SEC22B: variants seen among roughly 807,000 people sequenced by gnomAD.
SEC22B encodes the protein vesicle-trafficking protein SEC22b.
A neutral mutation model predicts 31.4 loss-of-function variants in SEC22B; 10 were observed. The ratio of observed to expected loss-of-function variants is 0.32; its 90% CI spans 0.20 to 0.54. The LOEUF (loss-of-function observed/expected upper bound fraction) is 0.54, where lower values mean the gene tolerates loss of function less well. Ranked by LOEUF, SEC22B falls within the 20% of genes least tolerant of loss-of-function variation. SEC22B has a pLI of 0.94. For synonymous variants in SEC22B, 60 were observed against 95.9 expected, an observed-to-expected ratio of 0.63 and a Z score of 2.19; for missense variants, 130 against 263.4, an observed-to-expected ratio of 0.49 and a Z score of 3.50.
At chr1:120,158,671 CA>C (rs1657666692) in intron 4 of SEC22B, 2 of 31,136 alleles carry the variant, frequency 6.4e-5, no homozygotes, top group Admixed American at 3.6e-4. Flanking sequence ...CAACAGTGAT[CA>C]AAATATACAT....
intron 1 of SEC22B, among the ~76,000 whole-genome samples, chr1:120,175,696 C>T (rs1449490804): frequency 6.6e-6 from 1 of 152,070 alleles, no homozygotes; most frequent in African/African-American, 2.4e-5. Context: ...GATTAAGACC[C>T]GTCGTTTGCC....
chr1:120,171,833 C>T (rs1311922500), intron 1 of SEC22B, among the ~76,000 whole-genome samples: 5 of 144,838 alleles, frequency 3.5e-5, no homozygotes, highest in Middle Eastern at 3.4e-3. Context: ...TATGTATTTA[C>T]TGAACTTTCT....
At position 120,163,285 on chromosome 1, in the gene SEC22B, A is replaced by G; in HGVS notation, c.271T>C (p.Leu91=). Residue 91 remains leucine (L), a synonymous_variant, in exon 3 of 5, where the codon TTG becomes CTG. Coordinates refer to ENST00000578049, the MANE Select transcript of SEC22B (RefSeq NM_004892.6). ...KKLAFAYLED[L]HSEFDEQHGK... is the part of the protein sequence containing the mutation. Reference sequence around the variant, plus strand: ...TGCTGTTCATCAAATTCTGAGTGCAAATCTTCTAGGTAGGCAAAAGCCAAC... The same window carrying G: ...TGCTGTTCATCAAATTCTGAGTGCAGATCTTCTAGGTAGGCAAAAGCCAAC... 6.2e-7 allele frequency: 1 copy of G among 1,600,622 alleles called. No individual in the cohort carries two copies.
chr1:120,158,019 A>C lies in SEC22B; in HGVS notation c.494-827T>G, dbSNP rs1175275883. ...AGAAATAGCCAGATAGACACAAGCT[A>C]GACCATATTAAAATATAAGGCATAT... On this transcript the variant is annotated intron_variant, in intron 4 of 4. Coordinates refer to ENST00000578049, the MANE Select transcript of SEC22B (RefSeq NM_004892.6). 9.6e-5 allele frequency: 13 copies of C among 135,058 alleles called. 1 individual carries two copies. The highest frequency in any genetic ancestry group is 1.3e-4 in the Non-Finnish European group (9 of 66,948). The allele number at this position is 135,058 out of a possible 1,614,324, so 8.4% of individuals were successfully genotyped here.
chr1:120,160,906 A>G (rs1202540695), intron 3 of SEC22B, among the ~76,000 whole-genome samples: 4 of 151,832 alleles, frequency 2.6e-5, no homozygotes, highest in African/African-American at 7.3e-5. Context: ...ACAAAAAAAA[A>G]AAAACCAAAA....
intron 1 of SEC22B, among the ~76,000 whole-genome samples, chr1:120,175,460 CTT>C (rs1362373134): frequency 6.7e-6 from 1 of 148,582 alleles, no homozygotes; most frequent in Non-Finnish European, 1.5e-5. Flanking sequence ...AAATTGATCA[CTT>C]TAAACAAATT....
At position 120,151,299 on chromosome 1, in the gene SEC22B, G is replaced by C. The variant is rs1657531140; in HGVS notation, c.*5739C>G. On this transcript the variant is annotated 3_prime_UTR_variant, in exon 5 of 5. Transcript: ENST00000578049. Reference sequence around the variant, plus strand: ...TGGGGAGTGGCAGGAGGTAAGTCTAGAATGGCACAATGGGGCCAGACTGCG... The same window carrying C: ...TGGGGAGTGGCAGGAGGTAAGTCTACAATGGCACAATGGGGCCAGACTGCG... The C allele has an allele frequency of 6.6e-6, 1 of 152,192 alleles. No individual in the cohort carries two copies. The highest frequency in any genetic ancestry group is 2.4e-5 in the African/African-American group (1 of 41,440). The allele number at this position is 152,192 out of a possible 1,614,324, so 9.4% of individuals were successfully genotyped here.
rs1348387823 is a variant in SEC22B, at chr1:120,155,712, A to T, written c.*1326T>A. The T allele has an allele frequency of 6.6e-6, 1 of 152,002 alleles. No individual in the cohort carries two copies. Among genetic ancestry groups the T allele is most frequent in the Non-Finnish European group, 1.5e-5 (1 of 67,924 alleles). The allele number at this position is 152,002 out of a possible 1,614,324, so 9.4% of individuals were successfully genotyped here. A position where few individuals can be genotyped will look rare whatever the true frequency, so the allele number is the denominator to read the frequency against. ...AGAAATATTTGCAGTATGTACAGGAATTTTAAGTTATATTGCAGACCCTGG... is the reference window on the plus strand; with the variant it reads ...AGAAATATTTGCAGTATGTACAGGATTTTTAAGTTATATTGCAGACCCTGG... On this transcript the variant is annotated 3_prime_UTR_variant, in exon 5 of 5. Transcript: ENST00000578049.
chr1:120,157,304 T>C, intron 4 of SEC22B, 112 bp from the exon 5 acceptor site: 1 of 749,162 alleles, frequency 1.3e-6, no homozygotes. Context: ...TCTTAAATCA[T>C]CATTTTTATT....
Position 120,176,292 on chromosome 1 carries a change from G to A in SEC22B, c.75+15C>T. ...ACAGAGACTTGGGGTCGCGGGTCGT[G>A]AGTAAGCAGCTCACCTGTTCGTCCT... On this transcript the variant is annotated intron_variant, in intron 1 of 4. Transcript: ENST00000578049. 2 of 1,607,384 alleles carry A rather than the reference G, an allele frequency of 1.2e-6. No homozygotes were observed. Among genetic ancestry groups the A allele is most frequent in the African/African-American group, 2.7e-5 (2 of 75,016 alleles).
At chr1:120,174,206 A>G (rs1206059453) in intron 1 of SEC22B, among the ~76,000 whole-genome samples, 1 of 152,256 alleles carries the variant, frequency 6.6e-6, no homozygotes, top group Non-Finnish European at 1.5e-5. Flanking sequence ...TTCCTTATCT[A>G]TTATTGGAGA....
chr1:120,161,291 G>A (rs1333912693), intron 3 of SEC22B, among the ~76,000 whole-genome samples: 3 of 152,162 alleles, frequency 2.0e-5, no homozygotes, highest in African/African-American at 7.2e-5. Context: ...AAAAAGCTGA[G>A]AAACTTTACC....
intron 2 of SEC22B, among the ~76,000 whole-genome samples, chr1:120,166,314 G>A (rs1312647538): frequency 1.7e-3 from 245 of 148,094 alleles, no homozygotes; most frequent in African/African-American, 5.6e-3. Context: ...CCATGTTTAC[G>A]GCAGCACCAT....
chr1:120,160,776 C>A (rs1657703141), intron 3 of SEC22B, among the ~76,000 whole-genome samples: 1 of 152,004 alleles, frequency 6.6e-6, no homozygotes. Context: ...ATAATCCCAG[C>A]TACTCAGGAG....
rs1242723665 is a variant in SEC22B at position 120,160,453 on chromosome 1, A to G, written c.424T>C (p.Leu142=). The G allele has an allele frequency of 6.2e-7, 1 of 1,612,416 alleles. No individual in the cohort carries two copies. The highest frequency in any genetic ancestry group is 8.5e-7 in the Non-Finnish European group (1 of 1,179,098). ...ACCATGATCCTCTGCACATCTTGCAATTCAGTGTTGATGGAGCCTAGATTT... is the reference window on the plus strand; with the variant it reads ...ACCATGATCCTCTGCACATCTTGCAGTTCAGTGTTGATGGAGCCTAGATTT... ...RRNLGSINTE[L]QDVQRIMVAN... is the part of the protein sequence containing the mutation. The change falls in exon 4 of 5, where the codon TTG becomes CTG. Residue 142 remains leucine, a synonymous_variant. Coordinates refer to ENST00000578049, the MANE Select transcript of SEC22B (RefSeq NM_004892.6).
chr1:120,169,043 C>T, intron 1 of SEC22B, 94 bp from the exon 2 acceptor site: 1 of 410,936 alleles, frequency 2.4e-6, no homozygotes, highest in Non-Finnish European at 4.3e-6. Flanking sequence ...GAATGAGGTC[C>T]TTCATTTACA....
intron 2 of SEC22B, among the ~76,000 whole-genome samples, chr1:120,163,577 T>TTTTTG (rs1657753970): frequency 7.5e-6 from 1 of 133,184 alleles, no homozygotes; most frequent in African/African-American, 3.9e-5. Flanking sequence ...TATTCTTTTT[T>TTTTTG]TTTTCTTTTT....
rs1657566532 is a variant in SEC22B, at chr1:120,152,827, G to C, written c.*4211C>G. ...TGTCATTATTTAGGAGTAGTGAAAA[G>C]TACTCTTAAATAATAATTTGGTATC... On this transcript the variant is annotated 3_prime_UTR_variant, in exon 5 of 5. Transcript: ENST00000578049. 7.2e-6 allele frequency: 1 copy of C among 139,296 alleles called. No individual in the cohort carries two copies. The highest frequency in any genetic ancestry group is 1.5e-5 in the Non-Finnish European group (1 of 67,158). The allele number at this position is 139,296 out of a possible 1,614,324, so 8.6% of individuals were successfully genotyped here.
chr1:120,166,241 T>C (rs1657805098), intron 2 of SEC22B, among the ~76,000 whole-genome samples: 1 of 144,154 alleles, frequency 6.9e-6, no homozygotes, highest in Admixed American at 6.7e-5. Context: ...AATCTAGCAA[T>C]CCCACTGCTG....
Sources: gnomAD v4.1 joint callset for allele counts (sites outside exome capture counted in the v4.1 genomes callset) on GRCh38, gnomAD v4.1.1 for gene constraint, MANE v1.5 for transcripts, NCBI Gene and HGNC (gene_info 2026-07-23, HGNC 2026-07-21) for gene names.